The following ECE1 variants were observed in gnomAD, a reference collection of about 807,000 sequenced individuals.
The protein encoded by ECE1 is endothelin converting enzyme 1, also known as endothelin-converting enzyme 1.
A neutral mutation model predicts 98.6 loss-of-function variants in ECE1; 35 were observed. That is an observed-to-expected ratio of 0.35 (90% CI 0.27 to 0.47). The LOEUF (loss-of-function observed/expected upper bound fraction) is 0.47, where lower values mean the gene tolerates loss of function less well. Ranked by LOEUF, ECE1 falls within the 20% of genes least tolerant of loss-of-function variation. The probability of loss-of-function intolerance (pLI) is 1.00; values close to 1 mark genes in which losing one functional copy is unlikely to be tolerated. For synonymous variants in ECE1, 394 were observed against 407.1 expected (o/e 0.97, Z 0.39); for missense variants, 814 against 1,025.3 (o/e 0.79, Z 2.81).
intron 2 of ECE1, among the ~76,000 whole-genome samples, chr1:21,282,317 G>A (rs1055231756): frequency 4.6e-5 from 7 of 151,944 alleles, no homozygotes. Flanking sequence ...GCCAGGCGCA[G>A]TGGCTCATGA....
At chr1:21,282,600 A>G (rs1385933365) in intron 2 of ECE1, among the ~76,000 whole-genome samples, 2 of 151,152 alleles carry the variant, frequency 1.3e-5, no homozygotes, top group Admixed American at 6.6e-5. Flanking sequence ...AAAAAAAAAA[A>G]AAAAGAAAGA....
chr1:21,232,673 AT>A (rs57168698), intron 14 of ECE1, among the ~76,000 whole-genome samples: 9,166 of 136,504 alleles, frequency 0.067, 838 homozygotes, highest in African/African-American at 0.22. Context: ...AGGAAGCTGT[AT>A]TTTTTTTTTT....
chr1:21,300,256 C>T lies in ECE1; in HGVS notation c.4-10100G>A, dbSNP rs372952674. On this transcript the variant is annotated intron_variant, in intron 1 of 18. Coordinates refer to the ECE1 transcript ENST00000415912. ...GTATCCCCAGGAGGCGGCTGAGAAG[C>T]AGGGAGAAGAACACCAGGCTTGGAG... is the stretch of plus-strand genomic sequence containing the variant. 3.3e-4 allele frequency among the ~76,000 whole-genome samples: 50 copies of T among 152,356 alleles called. No individual in the cohort carries two copies. In the South Asian group the frequency reaches 5.2e-3, roughly 16 times the overall value.
intron 1 of ECE1, among the ~76,000 whole-genome samples, chr1:21,332,026 C>T (rs564618695): frequency 4.7e-4 from 71 of 152,274 alleles, no homozygotes; most frequent in African/African-American, 1.5e-3. Flanking sequence ...GTATCAGGGC[C>T]GTTTTGTCCC....
intron 8 of ECE1, among the ~76,000 whole-genome samples, chr1:21,248,861 G>A (rs1004318552): frequency 6.6e-6 from 1 of 151,724 alleles, no homozygotes; most frequent in Non-Finnish European, 1.5e-5. Flanking sequence ...CTGACCTCAT[G>A]ATCTGCCTGC....
chr1:21,332,554 G>T lies in ECE1; in HGVS notation c.3+12822C>A, dbSNP rs980117070. ...CTGGGATTCAAACCCAGGCAGGCTGGGCCAGAGCTTGAACTCTTGATCTGT... is the reference window on the plus strand; with the variant it reads ...CTGGGATTCAAACCCAGGCAGGCTGTGCCAGAGCTTGAACTCTTGATCTGT... On this transcript the variant is annotated intron_variant, in intron 1 of 18. Coordinates refer to the ECE1 transcript ENST00000415912. 2.4e-5 allele frequency among the ~76,000 whole-genome samples: 3 copies of T among 123,734 alleles called. No homozygotes were observed. The Admixed American group carries it at 2.5e-4, about 10-fold the overall frequency. The allele number at this position is 123,734 out of a possible 152,430, so 81.2% of individuals were successfully genotyped here.
chr1:21,297,528 T>C (rs1261607596), intron 1 of ECE1, among the ~76,000 whole-genome samples: 1 of 125,340 alleles, frequency 8.0e-6, no homozygotes, highest in Non-Finnish European at 1.6e-5. Context: ...TTTTTTCTTT[T>C]TCTTTTTTTT....
At position 21,238,218 on chromosome 1, in the gene ECE1, G is replaced by A. The variant is rs576885853; in HGVS notation, c.1305C>T (p.Cys435=). 8 of 1,614,106 alleles carry A rather than the reference G, an allele frequency of 5.0e-6. No individual in the cohort carries two copies. The highest frequency in any genetic ancestry group is 4.0e-5 in the African/African-American group (3 of 74,950). The change falls in exon 11 of 19, where the codon TGC becomes TGT. Residue 435 remains cysteine, a synonymous_variant. Transcript: ENST00000374893. The part of the protein sequence containing the change: ...KKTCLPRWKF[C]VSDTENNLGF... ...CCAGGTTGTTTTCTGTGTCACTCAC[G>A]CAAAACTTCCAGCGAGGAAGACAGG...
chr1:21,223,958 G>A (rs1474940454), intron 17 of ECE1, among the ~76,000 whole-genome samples: 1 of 152,108 alleles, frequency 6.6e-6, no homozygotes, highest in Non-Finnish European at 1.5e-5. Flanking sequence ...ACCCTATATT[G>A]TGTCTCTCTA....
intron 17 of ECE1, 59 bp from the exon 18 acceptor site, chr1:21,221,901 C>G (rs1223751356): frequency 6.7e-7 from 1 of 1,502,884 alleles, no homozygotes; most frequent in Non-Finnish European, 9.3e-7. Context: ...AAGGAGGGGA[C>G]TGGTATGGAG....
chr1:21,261,419 T>A (rs1010900655), intron 4 of ECE1, among the ~76,000 whole-genome samples: 4 of 151,992 alleles, frequency 2.6e-5, no homozygotes, highest in Admixed American at 6.6e-5. Flanking sequence ...CTAGGCCCTG[T>A]GTAAGCTGTG....
chr1:21,288,260 T>C (rs1191621664), intron 2 of ECE1, among the ~76,000 whole-genome samples: 1 of 152,230 alleles, frequency 6.6e-6, no homozygotes, highest in Non-Finnish European at 1.5e-5. Flanking sequence ...TAACCTCTCT[T>C]TGTCCCTCAC....
At position 21,290,223 on chromosome 1, in the gene ECE1, C is replaced by T; in HGVS notation, c.52-67G>A. On this transcript the variant is annotated intron_variant, in intron 1 of 18. Coordinates refer to ENST00000374893, the MANE Select transcript of ECE1 (RefSeq NM_001397.3). This position sits in a 1 kb window ranked among gnomAD's most constrained non-coding sequence, Gnocchi z 7.3. ...TGGCTCTCGCGCCCGAATGGGGAAG[C>T]GGCCCCGACCCTGGCGCCGCCGCCG... is the stretch of plus-strand genomic sequence containing the variant. 3 of 1,430,144 alleles carry T rather than the reference C, an allele frequency of 2.1e-6. No individual in the cohort carries two copies. The highest frequency in any genetic ancestry group is 2.9e-5 in the East Asian group (1 of 34,132). The allele number at this position is 1,430,144 out of a possible 1,614,324, so 88.6% of individuals were successfully genotyped here.
intron 1 of ECE1, among the ~76,000 whole-genome samples, chr1:21,303,315 T>C (rs957022689): frequency 6.6e-5 from 10 of 152,306 alleles, no homozygotes; most frequent in African/African-American, 1.2e-4. Context: ...GAGAGGAACA[T>C]TTGTAGTGGT....
intron 9 of ECE1, among the ~76,000 whole-genome samples, chr1:21,246,337 T>C (rs1435478883): frequency 6.6e-6 from 1 of 151,310 alleles, no homozygotes; most frequent in Non-Finnish European, 1.5e-5. Context: ...CCATCTCTAC[T>C]AAAAATACAA....
chr1:21,250,135 T>C (rs773580161), intron 8 of ECE1, among the ~76,000 whole-genome samples: 8 of 152,068 alleles, frequency 5.3e-5, no homozygotes, highest in Non-Finnish European at 1.0e-4. Context: ...AACTTCCCAC[T>C]GGCCCCAACC....
At chr1:21,298,821 T>C (rs1638425879) in intron 1 of ECE1, 1 of 456,130 alleles carries the variant, frequency 2.2e-6, no homozygotes, top group African/African-American at 2.0e-5. Context: ...CCTCACCTGC[T>C]CCATCCTTAC....
chr1:21,304,486 G>T (rs563946495), intron 1 of ECE1, among the ~76,000 whole-genome samples: 77 of 152,164 alleles, frequency 5.1e-4, no homozygotes, highest in African/African-American at 1.8e-3. Flanking sequence ...CCCAGGGTGA[G>T]CTGCCAATTT....
intron 1 of ECE1, among the ~76,000 whole-genome samples, chr1:21,341,083 T>C (rs148081116): frequency 0.041 from 6,251 of 151,056 alleles, 159 homozygotes; most frequent in Non-Finnish European, 0.063. Context: ...CTTTAGGTTA[T>C]GATTTTAATG....
Sources: gnomAD v4.1 joint callset for allele counts (sites outside exome capture counted in the v4.1 genomes callset) on GRCh38, gnomAD v4.1.1 for gene constraint, Gnocchi (gnomAD v3.1) non-coding constraint, MANE v1.5 for transcripts, NCBI Gene and HGNC (gene_info 2026-07-23, HGNC 2026-07-21) for gene names.